The following AUTS2 variants were observed in gnomAD, a reference collection of about 807,000 sequenced individuals.
The protein encoded by AUTS2 is activator of transcription and developmental regulator AUTS2, also known as autism susceptibility gene 2 protein.
Under a neutral mutation model 112.4 loss-of-function variants are expected in AUTS2, and 17 were observed. The observed-to-expected ratio is 0.15, with a 90% CI of 0.10 to 0.23. AUTS2 has a LOEUF of 0.23. Ranked by LOEUF, AUTS2 falls within the 10% of genes least tolerant of loss-of-function variation. The probability of loss-of-function intolerance (pLI) is 1.00; values close to 1 mark genes in which losing one functional copy is unlikely to be tolerated. For synonymous variants in AUTS2, 751 were observed against 702.7 expected, an observed-to-expected ratio of 1.07 and a Z score of -1.09; for missense variants, 1,510 against 1,701.6, an observed-to-expected ratio of 0.89 and a Z score of 1.98.
intron 1 of AUTS2, among the ~76,000 whole-genome samples, chr7:69,728,698 T>TA (rs1554355931): frequency 5.3e-5 from 8 of 149,966 alleles, no homozygotes; most frequent in Non-Finnish European, 7.4e-5. Context: ...TTTTTTTTTT[T>TA]AATTTAAACA....
chr7:70,499,468 A>C (rs969083983), intron 5 of AUTS2, among the ~76,000 whole-genome samples: 1 of 152,172 alleles, frequency 6.6e-6, no homozygotes, highest in Non-Finnish European at 1.5e-5. Context: ...CTGGCGGTGC[A>C]ACTTGGAAAC....
intron 5 of AUTS2, among the ~76,000 whole-genome samples, chr7:70,552,619 G>A (rs1367382727): frequency 6.6e-6 from 1 of 152,184 alleles, no homozygotes; most frequent in Admixed American, 6.5e-5. Context: ...AAAAAGGTCT[G>A]CATTTAGAAA....
chr7:69,786,285 C>G (rs1253066566), intron 1 of AUTS2, among the ~76,000 whole-genome samples: 1 of 152,140 alleles, frequency 6.6e-6, no homozygotes, highest in Admixed American at 6.5e-5. Flanking sequence ...TAAAATGCAC[C>G]AATCAGCGCT....
At chr7:70,402,182 G>A (rs1264119548) in intron 4 of AUTS2, among the ~76,000 whole-genome samples, 1 of 152,240 alleles carries the variant, frequency 6.6e-6, no homozygotes, top group African/African-American at 2.4e-5. Context: ...CATCTTAAGT[G>A]AAAGAAAACA....
chr7:70,459,263 G>T (rs545639415), intron 5 of AUTS2, among the ~76,000 whole-genome samples: 19 of 152,290 alleles, frequency 1.2e-4, no homozygotes, highest in Non-Finnish European at 2.8e-4. Context: ...TTTAGTGGTG[G>T]GAAAATGATG....
chr7:69,700,300 G>GT (rs1315601448), intron 1 of AUTS2, among the ~76,000 whole-genome samples: 3 of 151,010 alleles, frequency 2.0e-5, no homozygotes, highest in Non-Finnish European at 4.4e-5. Flanking sequence ...TTTCTTTCCT[G>GT]TTTTTTCTAT....
At chr7:69,647,649 G>A (rs1332711961) in intron 1 of AUTS2, among the ~76,000 whole-genome samples, 2 of 152,204 alleles carry the variant, frequency 1.3e-5, no homozygotes, top group Non-Finnish European at 1.5e-5. Flanking sequence ...GAGCCACCAC[G>A]CCCAGTCTCC....
intron 4 of AUTS2, among the ~76,000 whole-genome samples, chr7:70,189,088 A>G (rs569642720): frequency 1.3e-5 from 2 of 152,322 alleles, no homozygotes; most frequent in South Asian, 4.1e-4. Context: ...TATGTGTTCC[A>G]AAAATGATGT....
intron 5 of AUTS2, among the ~76,000 whole-genome samples, chr7:70,622,101 G>A (rs1305359837): frequency 1.3e-5 from 2 of 151,972 alleles, no homozygotes; most frequent in Admixed American, 1.3e-4. Context: ...TCCTCCCAAA[G>A]TGCTGGGATT....
chr7:70,061,089 C>G (rs1802225245), intron 2 of AUTS2, among the ~76,000 whole-genome samples: 1 of 152,168 alleles, frequency 6.6e-6, no homozygotes, highest in Non-Finnish European at 1.5e-5. Context: ...TTATCTGGCT[C>G]TAGCACTTAA....
At chr7:70,014,913 G>A (rs542321957) in intron 2 of AUTS2, among the ~76,000 whole-genome samples, 3 of 152,218 alleles carry the variant, frequency 2.0e-5, no homozygotes, top group Non-Finnish European at 4.4e-5. Context: ...TGCTTGTTAT[G>A]TGAATGTGTT....
At chr7:69,937,739 C>T (rs1364994550) in intron 2 of AUTS2, among the ~76,000 whole-genome samples, 1 of 152,076 alleles carries the variant, frequency 6.6e-6, no homozygotes, top group Non-Finnish European at 1.5e-5. Context: ...ATGTCTTTAC[C>T]TCTCTGAAGA....
Position 70,497,780 on chromosome 7 carries a change from C to T in AUTS2, c.690+61999C>T, listed in dbSNP as rs191917510. 1.1e-4 allele frequency among the ~76,000 whole-genome samples: 17 copies of T among 152,232 alleles called. No individual in the cohort carries two copies. The East Asian group carries it at 3.3e-3, about 29-fold the overall frequency. On this transcript the variant is annotated intron_variant, in intron 5 of 18. Transcript: ENST00000342771. ...TATTAATCCTATACTTGGCATCTTC[C>T]ACACAGCCAGTCTGAGAAAGCACAG...
chr7:70,281,828 A>C (rs76966602), intron 4 of AUTS2, among the ~76,000 whole-genome samples: 185 of 152,342 alleles, frequency 1.2e-3, no homozygotes, highest in African/African-American at 4.2e-3. Context: ...TGAAAGGGTA[A>C]AGACTATGTA....
At chr7:70,248,326 G>T (rs775286903) in intron 4 of AUTS2, among the ~76,000 whole-genome samples, 1 of 152,098 alleles carries the variant, frequency 6.6e-6, no homozygotes, top group Non-Finnish European at 1.5e-5. Context: ...ATTTTGCCAT[G>T]TTGGCCAGAT....
intron 5 of AUTS2, among the ~76,000 whole-genome samples, chr7:70,567,789 C>T (rs1585311967): frequency 6.6e-6 from 1 of 152,296 alleles, no homozygotes; most frequent in East Asian, 1.9e-4. Flanking sequence ...CTGGGAACTG[C>T]ACTAAGGGCG....
intron 6 of AUTS2, among the ~76,000 whole-genome samples, chr7:70,745,487 T>A (rs558906520): frequency 1.3e-5 from 2 of 152,240 alleles, no homozygotes; most frequent in Non-Finnish European, 2.9e-5. Context: ...ATATGAATCC[T>A]CTGACAGCTC....
intron 1 of AUTS2, among the ~76,000 whole-genome samples, chr7:69,825,255 G>C (rs970670303): frequency 6.6e-6 from 1 of 152,116 alleles, no homozygotes; most frequent in Admixed American, 6.5e-5. Flanking sequence ...TTAAAACAAT[G>C]GTTCTCAACC....
At chr7:70,687,654 T>C (rs1255258230) in intron 5 of AUTS2, among the ~76,000 whole-genome samples, 1 of 152,212 alleles carries the variant, frequency 6.6e-6, no homozygotes, top group Non-Finnish European at 1.5e-5. Context: ...CATGATCAAT[T>C]GTAGCAACAC....
Sources: gnomAD v4.1 joint callset for allele counts (sites outside exome capture counted in the v4.1 genomes callset) on GRCh38, gnomAD v4.1.1 for gene constraint, MANE v1.5 for transcripts, NCBI Gene and HGNC (gene_info 2026-07-23, HGNC 2026-07-21) for gene names.